Variants in CADM2 observed in about 807,000 individuals in gnomAD.
CADM2 encodes immunoglobulin superfamily member 4D.
CADM2 carries 12 observed loss-of-function variants against 49.8 expected under a neutral mutation model. That is an observed-to-expected ratio of 0.24 (90% CI 0.15 to 0.39). CADM2 has a LOEUF of 0.39. Ranked by LOEUF, CADM2 falls within the 10% of genes least tolerant of loss-of-function variation. The pLI is 1.00. For missense variants in CADM2, 378 were observed against 492.3 expected (o/e 0.77, Z 2.20); for synonymous variants, 214 against 175.4 (o/e 1.22, Z -1.74).
chr3:85,704,704 G>T (rs1452037845), intron 1 of CADM2, among the ~76,000 whole-genome samples: 2 of 151,398 alleles, frequency 1.3e-5, no homozygotes, highest in East Asian at 3.9e-4. Context: ...TTAGGCTATA[G>T]CACCTTAAAA....
At chr3:85,864,388 A>C (rs928659665) in intron 3 of CADM2, among the ~76,000 whole-genome samples, 40 of 152,296 alleles carry the variant, frequency 2.6e-4, no homozygotes, top group Admixed American at 5.2e-4. Flanking sequence ...TATCTTTATG[A>C]GGAATTTGCC....
intron 1 of CADM2, among the ~76,000 whole-genome samples, chr3:85,617,740 A>C (rs543030241): frequency 6.6e-6 from 1 of 152,286 alleles, no homozygotes; most frequent in African/African-American, 2.4e-5. Flanking sequence ...ACCACCAGTC[A>C]GTCATTAGGA....
intron 8 of CADM2, among the ~76,000 whole-genome samples, chr3:85,971,816 T>C (rs1049927347): frequency 1.9e-4 from 29 of 151,752 alleles, no homozygotes; most frequent in African/African-American, 6.3e-4. Flanking sequence ...AAATAAAGCA[T>C]TGATTTTATT....
chr3:85,341,387 T>C (rs1472300338), intron 1 of CADM2, among the ~76,000 whole-genome samples: 1 of 151,928 alleles, frequency 6.6e-6, no homozygotes, highest in Non-Finnish European at 1.5e-5. Flanking sequence ...GAGTCTATTT[T>C]ACAAACATTA....
At chr3:85,014,227 C>T (rs543039028) in intron 1 of CADM2, among the ~76,000 whole-genome samples, 43 of 147,650 alleles carry the variant, frequency 2.9e-4, no homozygotes, top group African/African-American at 6.2e-4. Flanking sequence ...ATCATATATA[C>T]GCAGTGTAAT....
intron 1 of CADM2, among the ~76,000 whole-genome samples, chr3:85,069,049 T>G (rs1309891078): frequency 6.6e-6 from 1 of 152,132 alleles, no homozygotes; most frequent in Non-Finnish European, 1.5e-5. Context: ...GCCAATCAAA[T>G]ATGCTCTCAA....
intron 1 of CADM2, among the ~76,000 whole-genome samples, chr3:85,557,382 G>C (rs1452328099): frequency 6.6e-6 from 1 of 151,874 alleles, no homozygotes; most frequent in Non-Finnish European, 1.5e-5. Flanking sequence ...AACAGTTATT[G>C]AAACAGTAGA....
chr3:85,951,835 G>A (rs1247695823), intron 7 of CADM2, among the ~76,000 whole-genome samples: 2 of 150,906 alleles, frequency 1.3e-5, no homozygotes, highest in Non-Finnish European at 3.0e-5. Flanking sequence ...GCACAGAGAA[G>A]ATGGAAAAGT....
intron 1 of CADM2, among the ~76,000 whole-genome samples, chr3:85,718,335 TTTAG>T (rs1229419078): frequency 6.6e-6 from 1 of 152,196 alleles, no homozygotes; most frequent in Non-Finnish European, 1.5e-5. Context: ...GCCCGTGTAC[TTTAG>T]TTATTGAGAA....
chr3:85,038,334 T>C (rs1227042875), intron 1 of CADM2, among the ~76,000 whole-genome samples: 3 of 152,242 alleles, frequency 2.0e-5, no homozygotes, highest in African/African-American at 7.2e-5. Flanking sequence ...AAATATATGA[T>C]ATGTGTAAAG....
intron 8 of CADM2, among the ~76,000 whole-genome samples, chr3:86,033,664 T>A (rs904181910): frequency 3.2e-5 from 4 of 125,268 alleles, no homozygotes; most frequent in African/African-American, 5.1e-5. Context: ...TTCAAGTTTA[T>A]ATATATGTAT....
chr3:85,344,412 TAA>T (rs199619493), intron 1 of CADM2, among the ~76,000 whole-genome samples: 1 of 146,486 alleles, frequency 6.8e-6, no homozygotes, highest in Non-Finnish European at 1.5e-5. Context: ...AATAAATAAA[TAA>T]ATAAATAATA....
intron 7 of CADM2, among the ~76,000 whole-genome samples, chr3:85,957,643 C>T (rs1219901111): frequency 6.6e-6 from 1 of 151,738 alleles, no homozygotes; most frequent in Non-Finnish European, 1.5e-5. Context: ...GTCTCAGTCC[C>T]ACAAGATTGC....
rs1466012478 is a variant in CADM2, at chr3:86,070,717, C to A, written c.*3934C>A. The A allele has an allele frequency of 1.3e-5, 2 of 151,576 alleles. No individual in the cohort carries two copies. Among genetic ancestry groups the A allele is most frequent in the Non-Finnish European group, 3.0e-5 (2 of 67,772 alleles). 9.4% of individuals were successfully genotyped at this position (151,576 alleles called of 1,614,324 possible). A position where few individuals can be genotyped will look rare whatever the true frequency, so the allele number is the denominator to read the frequency against. On this transcript the variant is annotated 3_prime_UTR_variant, in exon 10 of 10. Coordinates refer to ENST00000383699, the MANE Select transcript of CADM2 (RefSeq NM_001167675.2). ...GAGTAATGCTTTTTATTAAGTGGCA[C>A]AAAGTACACACTAAAAACTATGCAA...
In CADM2 at chr3:85,629,060, A is replaced by G. The variant is rs1308219272; in HGVS notation, c.62-97462A>G. Among the ~76,000 whole-genome samples the G allele has an allele frequency of 2.6e-5, 4 of 151,808 alleles. No individual in the cohort carries two copies. In the East Asian group the frequency reaches 7.7e-4, roughly 29 times the overall value. ...TGATGTTAAAATCATTTTTGTGCATACAATAGTTAACCCGCTTTCATGTAA... is the reference window on the plus strand; with the variant it reads ...TGATGTTAAAATCATTTTTGTGCATGCAATAGTTAACCCGCTTTCATGTAA... On this transcript the variant is annotated intron_variant, in intron 1 of 9. Transcript: ENST00000383699.
chr3:85,167,439 A>T (rs1414107957), intron 1 of CADM2, among the ~76,000 whole-genome samples: 2 of 152,116 alleles, frequency 1.3e-5, no homozygotes, highest in African/African-American at 4.8e-5. Flanking sequence ...TTTTATTAAT[A>T]TGATATTTTA....
intron 1 of CADM2, among the ~76,000 whole-genome samples, chr3:85,475,451 T>C (rs1432108592): frequency 6.6e-6 from 1 of 151,990 alleles, no homozygotes; most frequent in Non-Finnish European, 1.5e-5. Context: ...CTAAATATAA[T>C]TTATTTATTT....
chr3:85,806,192 A>G (rs1452997889), intron 3 of CADM2, among the ~76,000 whole-genome samples: 3 of 150,664 alleles, frequency 2.0e-5, no homozygotes, highest in South Asian at 2.1e-4. Context: ...GGGAGGGAGG[A>G]AGGAAGGAAG....
chr3:85,609,678 A>G lies in CADM2; in HGVS notation c.62-116844A>G, dbSNP rs144976542. ...CTTATTTTGAATAAGGAATGGGGAG[A>G]TCCATAATTCTACTTTATAATCAGG... is the stretch of plus-strand genomic sequence containing the variant. On this transcript the variant is annotated intron_variant, in intron 1 of 9. Transcript: ENST00000383699. Among the ~76,000 whole-genome samples the G allele has an allele frequency of 1.6e-4, 25 of 152,234 alleles. No homozygotes were observed. In the East Asian group the frequency reaches 4.8e-3, roughly 29 times the overall value.
Sources: allele counts gnomAD v4.1 joint callset (sites outside exome capture counted in the v4.1 genomes callset), GRCh38; gene constraint gnomAD v4.1.1; transcripts MANE v1.5; gene names NCBI Gene and HGNC (gene_info 2026-07-23, HGNC 2026-07-21).